The following ITCH variants were observed in gnomAD, a reference collection of about 807,000 sequenced individuals.
ITCH encodes the protein E3 ubiquitin-protein ligase Itchy homolog.
ITCH carries 28 observed loss-of-function variants against 126.8 expected under a neutral mutation model. That is an observed-to-expected ratio of 0.22 (90% confidence interval 0.16 to 0.30). The LOEUF is 0.30. Ranked by LOEUF, ITCH falls within the 10% of genes least tolerant of loss-of-function variation. ITCH has a pLI of 1.00. For synonymous variants in ITCH, 342 were observed against 340.0 expected, an observed-to-expected ratio of 1.01 and a Z score of -0.06; for missense variants, 631 against 1,032.4, an observed-to-expected ratio of 0.61 and a Z score of 5.33.
intron 20 of ITCH, among the ~76,000 whole-genome samples, chr20:34,481,731 G>A (rs762016335): frequency 4.6e-5 from 7 of 152,072 alleles, no homozygotes; most frequent in South Asian, 2.1e-4. Flanking sequence ...CCTCATCATC[G>A]GCCAGGCATG....
At chr20:34,390,886 G>A (rs1031019453) in intron 2 of ITCH, among the ~76,000 whole-genome samples, 1 of 151,786 alleles carries the variant, frequency 6.6e-6, no homozygotes, top group Non-Finnish European at 1.5e-5. Flanking sequence ...CGAGTAGCTG[G>A]AATTACAAGC....
intron 6 of ITCH, chr20:34,417,260 C>A: frequency 1.8e-6 from 1 of 551,654 alleles, no homozygotes; most frequent in South Asian, 1.9e-5. Context: ...CCACGCCTGG[C>A]TAATTTTGTA....
intron 23 of ITCH, among the ~76,000 whole-genome samples, chr20:34,497,502 G>A (rs1162826838): frequency 6.6e-6 from 1 of 152,146 alleles, no homozygotes; most frequent in Non-Finnish European, 1.5e-5. Context: ...TGGCTATTCA[G>A]GATCCTTTGT....
At chr20:34,397,001 T>C (rs542332105) in intron 3 of ITCH, among the ~76,000 whole-genome samples, 2 of 152,180 alleles carry the variant, frequency 1.3e-5, no homozygotes, top group South Asian at 4.1e-4. Flanking sequence ...TCTGTCTACA[T>C]ATGGTGTCTT....
intron 12 of ITCH, among the ~76,000 whole-genome samples, chr20:34,453,652 A>G (rs752181499): frequency 6.6e-6 from 1 of 152,196 alleles, no homozygotes; most frequent in African/African-American, 2.4e-5. Context: ...TACTTAGGGT[A>G]TTATTTTTAG....
chr20:34,397,938 G>A (rs1443595811), intron 3 of ITCH, among the ~76,000 whole-genome samples: 2 of 150,540 alleles, frequency 1.3e-5, no homozygotes, highest in Non-Finnish European at 2.9e-5. Flanking sequence ...CAGAGACAAT[G>A]ATTAATAGTT....
chr20:34,438,357 C>CT (rs1983295172), intron 7 of ITCH, 117 bp from the exon 8 acceptor site: 1 of 1,084,408 alleles, frequency 9.2e-7, no homozygotes, highest in Non-Finnish European at 1.4e-6. Flanking sequence ...AATTAAAAAG[C>CT]TTTTTTGAAG....
chr20:34,398,639 T>C (rs2038760826), intron 3 of ITCH, among the ~76,000 whole-genome samples: 1 of 152,126 alleles, frequency 6.6e-6, no homozygotes, highest in African/African-American at 2.4e-5. Flanking sequence ...CCTCAGGTGA[T>C]CCACCCGCCT....
At chr20:34,437,628 A>T (rs899797022) in intron 7 of ITCH, among the ~76,000 whole-genome samples, 1 of 152,036 alleles carries the variant, frequency 6.6e-6, no homozygotes, top group African/African-American at 2.4e-5. Flanking sequence ...AATCTATTAG[A>T]TTTTATTTTG....
At chr20:34,432,694 C>G (rs938635369) in intron 7 of ITCH, among the ~76,000 whole-genome samples, 2 of 152,174 alleles carry the variant, frequency 1.3e-5, no homozygotes, top group Non-Finnish European at 2.9e-5. Context: ...GTGGCTCATG[C>G]CTGTAATCCC....
intron 24 of ITCH, among the ~76,000 whole-genome samples, chr20:34,504,713 T>C (rs1479419673): frequency 1.3e-5 from 2 of 152,206 alleles, no homozygotes; most frequent in African/African-American, 4.8e-5. Context: ...ATATTCTCAT[T>C]TGAAATCTAA....
At chr20:34,442,757 A>T (rs1433746144) in intron 10 of ITCH, among the ~76,000 whole-genome samples, 1 of 151,318 alleles carries the variant, frequency 6.6e-6, no homozygotes, top group Non-Finnish European at 1.5e-5. Context: ...GAGGATCACG[A>T]GCTCAGGAGA....
rs73103161 is a variant in ITCH at position 34,503,574 on chromosome 20, A to G, written c.2417-757A>G. Among the ~76,000 whole-genome samples the G allele has an allele frequency of 5.4e-3, 817 of 152,318 alleles. 1 individual carries two copies. The highest frequency in any genetic ancestry group is 9.2e-3 in the Non-Finnish European group (628 of 68,026). Reference sequence around the variant, plus strand: ...AAAGTTTTATTAATTCTGTATTTAAATCAAGTTTTATTGTAGTTTCGTTAT... The same window carrying G: ...AAAGTTTTATTAATTCTGTATTTAAGTCAAGTTTTATTGTAGTTTCGTTAT... On this transcript the variant is annotated intron_variant, in intron 23 of 24. Coordinates refer to ENST00000374864, the MANE Select transcript of ITCH (RefSeq NM_031483.7).
At chr20:34,373,207 C>T (rs1402851307) in intron 2 of ITCH, among the ~76,000 whole-genome samples, 1 of 151,726 alleles carries the variant, frequency 6.6e-6, no homozygotes, top group African/African-American at 2.4e-5. Flanking sequence ...CTCCTGACCT[C>T]AAATAATCCA....
intron 9 of ITCH, 32 bp downstream of exon 9, chr20:34,440,376 C>T (rs768631859): frequency 6.8e-6 from 10 of 1,477,298 alleles, no homozygotes; most frequent in Middle Eastern, 1.7e-4. Flanking sequence ...CATATGTTGT[C>T]TTTAGGATTC....
chr20:34,487,248 G>A (rs1039810435), intron 20 of ITCH, among the ~76,000 whole-genome samples: 3 of 152,014 alleles, frequency 2.0e-5, no homozygotes, highest in South Asian at 2.1e-4. Context: ...TCCTGACCTC[G>A]TGATCCCCTC....
intron 20 of ITCH, among the ~76,000 whole-genome samples, chr20:34,483,259 C>T (rs749616937): frequency 3.3e-5 from 5 of 152,334 alleles, no homozygotes; most frequent in Non-Finnish European, 7.4e-5. Context: ...ATGCAAATTT[C>T]TGTAGCCAGC....
At chr20:34,387,427 T>C (rs1437863659) in intron 2 of ITCH, among the ~76,000 whole-genome samples, 1 of 152,096 alleles carries the variant, frequency 6.6e-6, no homozygotes, top group Non-Finnish European at 1.5e-5. Context: ...GCCCAGGAGT[T>C]CGAGACTAGC....
intron 6 of ITCH, among the ~76,000 whole-genome samples, chr20:34,421,668 C>A (rs971313642): frequency 1.3e-5 from 2 of 152,004 alleles, no homozygotes; most frequent in Non-Finnish European, 2.9e-5. Flanking sequence ...ATAATTTATG[C>A]CATACATTTC....
Sources: allele counts gnomAD v4.1 joint callset (sites outside exome capture counted in the v4.1 genomes callset), GRCh38; gene constraint gnomAD v4.1.1; transcripts MANE v1.5; gene names NCBI Gene and HGNC (gene_info 2026-07-23, HGNC 2026-07-21).